The following COQ5 variants were observed in gnomAD, a reference collection of about 807,000 sequenced individuals.
COQ5 encodes the protein 2-methoxy-6-polyprenyl-1,4-benzoquinol methylase, mitochondrial.
A neutral mutation model predicts 40.5 loss-of-function variants in COQ5; 27 were observed. That is an observed-to-expected ratio of 0.67 (90% confidence interval 0.49 to 0.92). The LOEUF (loss-of-function observed/expected upper bound fraction) is 0.92, where lower values mean the gene tolerates loss of function less well. Ranked by LOEUF, COQ5 falls within the 40% of genes least tolerant of loss-of-function variation. The probability of loss-of-function intolerance (pLI) is 0.00; values close to 1 mark genes in which losing one functional copy is unlikely to be tolerated. For synonymous variants in COQ5, 141 were observed against 150.0 expected, an observed-to-expected ratio of 0.94 and a Z score of 0.44; for missense variants, 409 against 406.4, an observed-to-expected ratio of 1.01 and a Z score of -0.06.
intron 4 of COQ5, among the ~76,000 whole-genome samples, chr12:120,507,232 C>T (rs571480653): frequency 2.6e-5 from 4 of 151,562 alleles, no homozygotes; most frequent in South Asian, 4.2e-4. Flanking sequence ...GCATCTTTAA[C>T]GATTAATAAG....
In COQ5 at chr12:120,516,744, G is replaced by C. The variant is rs1869392309; in HGVS notation, c.397C>G (p.Gln133Glu). 6.2e-7 allele frequency: 1 copy of C among 1,614,076 alleles called. No individual in the cohort carries two copies. The highest frequency in any genetic ancestry group is 1.1e-5 in the South Asian group (1 of 91,088). The change falls in exon 3 of 7, where the codon CAG (glutamine) becomes GAG (glutamate). Residue 133 changes from glutamine (Q) to glutamate (E), a missense_variant. Gln to Glu is a conservative substitution (Grantham distance 29, BLOSUM62 2). Transcript: ENST00000288532. The part of the protein sequence containing the change: ...RFLNYVQSQH[Q>E]RKQKRQLRAQ... ...CTTAACTGCCTCTTCTGTTTTCTCT[G>C]ATGCTGGGACTGAACATAATTAAGG...
At chr12:120,518,137 G>A (rs995841093) in intron 2 of COQ5, among the ~76,000 whole-genome samples, 6 of 152,082 alleles carry the variant, frequency 3.9e-5, no homozygotes, top group South Asian at 2.1e-4. Flanking sequence ...TGCTGTTTCC[G>A]GCTGGGCTCG....
chr12:120,509,889 T>G lies in COQ5; in HGVS notation c.681+128A>C, dbSNP rs1593015639. On this transcript the variant is annotated intron_variant, in intron 4 of 6. Coordinates refer to ENST00000288532, the MANE Select transcript of COQ5 (RefSeq NM_032314.4). ...CTGCTTGAGCCCAGGAGTTTGAGACTAGCCTGGGCAACATACCAAGACCCC... is the reference window on the plus strand; with the variant it reads ...CTGCTTGAGCCCAGGAGTTTGAGACGAGCCTGGGCAACATACCAAGACCCC... The G allele has an allele frequency of 4.1e-6, 3 of 734,816 alleles. No individual in the cohort carries two copies. In the East Asian group the frequency reaches 8.4e-5, roughly 20 times the overall value. 45.5% of individuals were successfully genotyped at this position (734,816 alleles called of 1,614,324 possible). A position where few individuals can be genotyped will look rare whatever the true frequency, so the allele number is the denominator to read the frequency against.
chr12:120,523,025 A>G (rs556696677), intron 1 of COQ5: 2 of 502,672 alleles, frequency 4.0e-6, no homozygotes, highest in South Asian at 8.8e-5. Flanking sequence ...CTCCCTTAAG[A>G]GATTCTTATA....
At chr12:120,507,138 C>G (rs1868918204) in intron 4 of COQ5, among the ~76,000 whole-genome samples, 1 of 151,980 alleles carries the variant, frequency 6.6e-6, no homozygotes, top group Non-Finnish European at 1.5e-5. Flanking sequence ...CCAGCACATT[C>G]TATTTTATGA....
At position 120,503,439 on chromosome 12, in the gene COQ5, T is replaced by C. The variant is rs776008127; in HGVS notation, c.*345A>G. ...GGGTTCAAATGATCTATCATCCCTCTAGAAGGCAGCACCAGCAGAGAAGCT... is the reference window on the plus strand; with the variant it reads ...GGGTTCAAATGATCTATCATCCCTCCAGAAGGCAGCACCAGCAGAGAAGCT... On this transcript the variant is annotated 3_prime_UTR_variant, in exon 7 of 7. Transcript: ENST00000288532. 9 of 423,768 alleles carry C rather than the reference T, an allele frequency of 2.1e-5. No homozygotes were observed. Among genetic ancestry groups the C allele is most frequent in the Non-Finnish European group, 4.2e-5 (9 of 216,406 alleles). 26.3% of individuals were successfully genotyped at this position (423,768 alleles called of 1,614,324 possible). A position where few individuals can be genotyped will look rare whatever the true frequency, so the allele number is the denominator to read the frequency against.
At chr12:120,509,171 T>C (rs538868860) in intron 4 of COQ5, among the ~76,000 whole-genome samples, 1 of 152,060 alleles carries the variant, frequency 6.6e-6, no homozygotes, top group African/African-American at 2.4e-5. Flanking sequence ...GTTACTGAAA[T>C]GAAACTCTTT....
Position 120,509,791 on chromosome 12 carries a change from C to T in COQ5, c.681+226G>A, listed in dbSNP as rs1336939229. 3 of 544,686 alleles carry T rather than the reference C, an allele frequency of 5.5e-6. No individual in the cohort carries two copies. The East Asian group carries it at 9.9e-5, about 18-fold the overall frequency. 33.7% of individuals were successfully genotyped at this position (544,686 alleles called of 1,614,324 possible). On this transcript the variant is annotated intron_variant, in intron 4 of 6. Transcript: ENST00000288532. ...TCTATCTATCTCTCTCTCTCTCTCT[C>T]TCCCTGGGTGTGGTGGTGGGTTCCT...
At chr12:120,524,612 C>G (rs1869853720) in intron 1 of COQ5, among the ~76,000 whole-genome samples, 2 of 152,060 alleles carry the variant, frequency 1.3e-5, no homozygotes, top group South Asian at 4.1e-4. Context: ...CGTAAGACGG[C>G]TATATCAGTG....
At position 120,503,998 on chromosome 12, in the gene COQ5, A is replaced by G; in HGVS notation, c.854T>C (p.Val285Ala). The change falls in exon 6 of 7, where the codon GTA becomes GCA. Residue 285 changes from valine (V) to alanine (A), a missense_variant. By Grantham distance (64) the Val-to-Ala change is moderately conservative. Coordinates refer to ENST00000288532, the MANE Select transcript of COQ5 (RefSeq NM_032314.4). ...AGDWKSYQYL[V>A]ESIRRFPSQE... Reference sequence around the variant, plus strand: ...AGACGGAAACCTTCGGATACTCTCTACAAGGTACTGATAGGACTTCCAGTC... The same window carrying G: ...AGACGGAAACCTTCGGATACTCTCTGCAAGGTACTGATAGGACTTCCAGTC... 6.2e-7 allele frequency: 1 copy of G among 1,613,152 alleles called. No homozygotes were observed.
chr12:120,519,508 C>T (rs887948746), intron 2 of COQ5, among the ~76,000 whole-genome samples: 2 of 151,868 alleles, frequency 1.3e-5, no homozygotes, highest in Admixed American at 6.6e-5. Flanking sequence ...TGCAGTGTGC[C>T]GAGATCATGC....
At position 120,514,051 on chromosome 12, in the gene COQ5, C is replaced by A. The variant is rs367934103; in HGVS notation, c.574+2516G>T. Among the ~76,000 whole-genome samples the A allele has an allele frequency of 2.0e-4, 31 of 152,274 alleles. No homozygotes were observed. In the East Asian group the frequency reaches 2.7e-3, roughly 13 times the overall value. ...GGAAGAGATGATTCCAGAAATGGAA[C>A]ACTGCTTATCATTTCAATATCTTTG... On this transcript the variant is annotated intron_variant, in intron 3 of 6. Transcript: ENST00000288532.
At chr12:120,528,016 A>AAAAAAAAAAAAAAAAAC in intron 1 of COQ5, among the ~76,000 whole-genome samples, 1 of 142,784 alleles carries the variant, frequency 7.0e-6, no homozygotes, top group Non-Finnish European at 1.5e-5. Flanking sequence ...AAAAAAAAAA[A>AAAAAAAAAAAAAAAAAC]AAAAAAGAAA....
At chr12:120,517,283 C>G (rs1019348425) in intron 2 of COQ5, among the ~76,000 whole-genome samples, 1 of 151,954 alleles carries the variant, frequency 6.6e-6, no homozygotes, top group Non-Finnish European at 1.5e-5. Flanking sequence ...ACCTGGGAAA[C>G]AGATGTTGCA....
chr12:120,508,722 G>A (rs1868992924), intron 4 of COQ5, among the ~76,000 whole-genome samples: 1 of 152,050 alleles, frequency 6.6e-6, no homozygotes, highest in Non-Finnish European at 1.5e-5. Context: ...TTTGAACTTT[G>A]AACCTATTAA....
intron 3 of COQ5, among the ~76,000 whole-genome samples, chr12:120,513,023 C>G (rs1463055964): frequency 1.3e-5 from 2 of 150,954 alleles, no homozygotes; most frequent in Non-Finnish European, 3.0e-5. Flanking sequence ...TATTCTCGAA[C>G]TCCTGACCTG....
At chr12:120,521,154 C>T (rs1306076174) in intron 2 of COQ5, among the ~76,000 whole-genome samples, 1 of 151,178 alleles carries the variant, frequency 6.6e-6, no homozygotes, top group African/African-American at 2.4e-5. Flanking sequence ...CAACCCTCCA[C>T]CTCCCCAGTT....
chr12:120,519,942 T>C (rs1385812076), intron 2 of COQ5, among the ~76,000 whole-genome samples: 1 of 151,566 alleles, frequency 6.6e-6, no homozygotes, highest in Non-Finnish European at 1.5e-5. Flanking sequence ...TTCTGCTAAA[T>C]TACCCTCTAC....
chr12:120,514,745 A>AAACAACAACAACAACAACAACAACAAC (rs375392327), intron 3 of COQ5, among the ~76,000 whole-genome samples: 2 of 147,928 alleles, frequency 1.4e-5, no homozygotes, highest in East Asian at 4.0e-4. Flanking sequence ...TCTGTCTCAG[A>AAACAACAACAACAACAACAACAACAAC]AACAACAACA....
Sources: gnomAD v4.1 joint callset for allele counts (sites outside exome capture counted in the v4.1 genomes callset) on GRCh38, gnomAD v4.1.1 for gene constraint, MANE v1.5 for transcripts, NCBI Gene and HGNC (gene_info 2026-07-23, HGNC 2026-07-21) for gene names.